The following PLXNA2 variants were observed in gnomAD, a reference collection of about 807,000 sequenced individuals.
PLXNA2 encodes the protein plexin A2, also known as plexin-A2.
Under a neutral mutation model 193.5 loss-of-function variants are expected in PLXNA2, and 91 were observed. The ratio of observed to expected loss-of-function variants is 0.47; its 90% confidence interval spans 0.40 to 0.56. PLXNA2 has a LOEUF of 0.56. Ranked by LOEUF, PLXNA2 falls within the 20% of genes least tolerant of loss-of-function variation. The pLI, the probability that PLXNA2 is intolerant of heterozygous loss-of-function variation, is 0.00. For missense variants in PLXNA2, 1,995 were observed against 2,503.2 expected (o/e 0.80, Z 4.33); for synonymous variants, 997 against 1,027.3 (o/e 0.97, Z 0.56).
At position 208,040,191 on chromosome 1, in the gene PLXNA2, G is replaced by A. The variant is rs1571851026; in HGVS notation, c.4287-133C>T. 1.3e-5 allele frequency: 9 copies of A among 698,874 alleles called. No individual in the cohort carries two copies. In the East Asian group the frequency reaches 2.4e-4, roughly 19 times the overall value. The allele number at this position is 698,874 out of a possible 1,614,324, so 43.3% of individuals were successfully genotyped here. A position where few individuals can be genotyped will look rare whatever the true frequency, so the allele number is the denominator to read the frequency against. On this transcript the variant is annotated intron_variant, in intron 22 of 31. Transcript: ENST00000367033. Reference sequence around the variant, plus strand: ...CGCAGGGCGGGAGTCAGGACACCTGGGTCCCAGCCCAGCTCACCCAGTAAC... The same window carrying A: ...CGCAGGGCGGGAGTCAGGACACCTGAGTCCCAGCCCAGCTCACCCAGTAAC...
Position 208,180,654 on chromosome 1 carries a change from C to T in PLXNA2, c.1371+29626G>A, listed in dbSNP as rs537057902. Among the ~76,000 whole-genome samples, 28 of 152,328 alleles carry T rather than the reference C, an allele frequency of 1.8e-4. No individual in the cohort carries two copies. In the South Asian group the frequency reaches 3.3e-3, roughly 18 times the overall value. On this transcript the variant is annotated intron_variant, in intron 3 of 31. Transcript: ENST00000367033. ...ACTATTATTTACTCCGTTTGGCAGA[C>T]GAGGAAACTGAGAGTCACAGTGGTT... is the stretch of plus-strand genomic sequence containing the variant.
At chr1:208,162,106 C>T (rs540587265) in intron 3 of PLXNA2, among the ~76,000 whole-genome samples, 3 of 152,302 alleles carry the variant, frequency 2.0e-5, no homozygotes, top group Middle Eastern at 3.4e-3. Flanking sequence ...ATTTAAAGAA[C>T]ACGCAGCACC....
rs181001111 is a variant in PLXNA2, at chr1:208,083,442, G to A, written c.2299-934C>T. On this transcript the variant is annotated intron_variant, in intron 10 of 31. Transcript: ENST00000367033. Reference sequence around the variant, plus strand: ...ATGTCACTGTCAGCCTTCTGCTCCCGCCCTCCCCTGCCCACTGCCTCCCTT... The same window carrying A: ...ATGTCACTGTCAGCCTTCTGCTCCCACCCTCCCCTGCCCACTGCCTCCCTT... 2.6e-5 allele frequency among the ~76,000 whole-genome samples: 4 copies of A among 151,272 alleles called. No individual in the cohort carries two copies. In the East Asian group the frequency reaches 7.9e-4, roughly 30 times the overall value.
At chr1:208,143,050 CA>C (rs1453283007) in intron 3 of PLXNA2, among the ~76,000 whole-genome samples, 1 of 152,232 alleles carries the variant, frequency 6.6e-6, no homozygotes, top group Non-Finnish European at 1.5e-5. Flanking sequence ...TTAGCCTCTC[CA>C]AGCCCATCCT....
intron 4 of PLXNA2, among the ~76,000 whole-genome samples, chr1:208,135,502 C>A (rs947944245): frequency 6.6e-6 from 1 of 152,198 alleles, no homozygotes; most frequent in Admixed American, 6.5e-5. Context: ...TGGATTCCTG[C>A]AAACCCTTCC....
chr1:208,213,124 T>G (rs1296020113), intron 2 of PLXNA2, among the ~76,000 whole-genome samples: 1 of 152,156 alleles, frequency 6.6e-6, no homozygotes, highest in Non-Finnish European at 1.5e-5. Flanking sequence ...AATCCTAGAT[T>G]TTGCTACTGT....
chr1:208,033,125 G>A (rs1356788098), intron 28 of PLXNA2, among the ~76,000 whole-genome samples, 194 bp downstream of exon 28: 1 of 151,252 alleles, frequency 6.6e-6, no homozygotes, highest in African/African-American at 2.4e-5. Flanking sequence ...CATACTCTTG[G>A]GCTCAAGGCA....
At chr1:208,111,576 C>T (rs899570127) in intron 4 of PLXNA2, among the ~76,000 whole-genome samples, 2 of 152,158 alleles carry the variant, frequency 1.3e-5, no homozygotes, top group Non-Finnish European at 2.9e-5. Context: ...CTCAAGCCCT[C>T]ATCTCCTTAT....
intron 1 of PLXNA2, 100 bp downstream of exon 1, chr1:208,243,543 A>G (rs999190127): frequency 5.3e-5 from 8 of 152,042 alleles, no homozygotes; most frequent in African/African-American, 1.9e-4. Context: ...CGGGACCCCA[A>G]AGAGGCGGGC....
intron 4 of PLXNA2, among the ~76,000 whole-genome samples, chr1:208,140,070 C>T (rs764317104): frequency 6.6e-6 from 1 of 152,168 alleles, no homozygotes; most frequent in Non-Finnish European, 1.5e-5. Context: ...CTCTGCTCAT[C>T]GTGGCTGGCT....
chr1:208,100,994 C>T (rs146731386), intron 5 of PLXNA2, among the ~76,000 whole-genome samples: 59 of 152,344 alleles, frequency 3.9e-4, no homozygotes, highest in African/African-American at 1.4e-3. Flanking sequence ...AACTCCTCCC[C>T]CTCTTCCTTT....
intron 1 of PLXNA2, among the ~76,000 whole-genome samples, chr1:208,241,208 G>A (rs966964143): frequency 5.9e-5 from 9 of 152,198 alleles, no homozygotes; most frequent in Non-Finnish European, 1.3e-4. Flanking sequence ...ACAGGTAGCT[G>A]TTCTTTGAGG....
chr1:208,190,311 T>TG (rs1219514371), intron 3 of PLXNA2, among the ~76,000 whole-genome samples: 1 of 152,238 alleles, frequency 6.6e-6, no homozygotes, highest in Non-Finnish European at 1.5e-5. Flanking sequence ...CTAGAAGACC[T>TG]GGGTTTGCTT....
intron 12 of PLXNA2, among the ~76,000 whole-genome samples, chr1:208,076,417 GGAA>G (rs1225374077): frequency 6.6e-6 from 1 of 151,868 alleles, no homozygotes; most frequent in Non-Finnish European, 1.5e-5. Flanking sequence ...CTTTTTTTCA[GGAA>G]GAACCATGGA....
chr1:208,075,693 C>T (rs553527539), intron 12 of PLXNA2, among the ~76,000 whole-genome samples: 7 of 152,222 alleles, frequency 4.6e-5, no homozygotes, highest in South Asian at 2.1e-4. Context: ...TTTCTATTTC[C>T]GTAATTACTT....
chr1:208,212,641 A>G (rs756282677), intron 2 of PLXNA2, among the ~76,000 whole-genome samples: 2 of 152,188 alleles, frequency 1.3e-5, no homozygotes, highest in African/African-American at 2.4e-5. Context: ...GGCAGAGGCT[A>G]CAAACCAGAG....
intron 3 of PLXNA2, among the ~76,000 whole-genome samples, chr1:208,194,008 G>A (rs1572018175): frequency 6.6e-6 from 1 of 151,848 alleles, no homozygotes; most frequent in East Asian, 1.9e-4. Context: ...AGTCCTGGGG[G>A]TGGGAACTTA....
At chr1:208,197,865 A>G (rs990416315) in intron 3 of PLXNA2, among the ~76,000 whole-genome samples, 1 of 152,180 alleles carries the variant, frequency 6.6e-6, no homozygotes, top group Non-Finnish European at 1.5e-5. Flanking sequence ...ACTGGGTAGG[A>G]GAGAACCCTT....
chr1:208,108,612 C>T (rs144949755), intron 4 of PLXNA2, among the ~76,000 whole-genome samples: 111 of 152,340 alleles, frequency 7.3e-4, no homozygotes, highest in African/African-American at 2.6e-3. Context: ...AGCAGAAAAC[C>T]TCACATGATT....
Sources: allele counts gnomAD v4.1 joint callset (sites outside exome capture counted in the v4.1 genomes callset), GRCh38; gene constraint gnomAD v4.1.1; transcripts MANE v1.5; gene names NCBI Gene and HGNC (gene_info 2026-07-23, HGNC 2026-07-21).